Variants in LONRF1 observed in about 807,000 individuals in gnomAD.
LONRF1 encodes LON peptidase N-terminal domain and ring finger 1.
Under a neutral mutation model 85.8 loss-of-function variants are expected in LONRF1, and 37 were observed. That is an observed-to-expected ratio of 0.43 (90% CI 0.33 to 0.57). LONRF1 has a LOEUF of 0.57. Among genes scored for constraint, LONRF1 ranks in the 20% least tolerant of loss-of-function variants. The pLI is 0.04. For synonymous variants in LONRF1, 517 were observed against 390.1 expected, an observed-to-expected ratio of 1.33 and a Z score of -3.83; for missense variants, 1,036 against 978.0, an observed-to-expected ratio of 1.06 and a Z score of -0.79.
intron 1 of LONRF1, among the ~76,000 whole-genome samples, chr8:12,748,029 T>C (rs1799234397): frequency 6.6e-6 from 1 of 152,246 alleles, no homozygotes; most frequent in Non-Finnish European, 1.5e-5. Context: ...TGATTTTTAA[T>C]AGTTGCAAAA....
intron 10 of LONRF1, among the ~76,000 whole-genome samples, chr8:12,726,831 CA>C (rs1322409239): frequency 6.6e-6 from 1 of 151,996 alleles, no homozygotes. Context: ...ACACCAGAGA[CA>C]AAAAAGCAAA....
rs1016366947 is a variant in LONRF1 at position 12,735,216 on chromosome 8, T to TG, written c.1566+69dup. 14 of 984,984 alleles carry TG rather than the reference T, an allele frequency of 1.4e-5. No individual in the cohort carries two copies. The Admixed American group carries it at 2.5e-4, about 17-fold the overall frequency. The allele number at this position is 984,984 out of a possible 1,614,324, so 61.0% of individuals were successfully genotyped here. A position where few individuals can be genotyped will look rare whatever the true frequency, so the allele number is the denominator to read the frequency against. Reference sequence around the variant, plus strand: ...CTGAACGTGATCATCACTATTTCTATGGCTGAACAGAAATTAAACCATGCT... The same window carrying TG: ...CTGAACGTGATCATCACTATTTCTATGGGCTGAACAGAAATTAAACCATGCT... On this transcript the variant is annotated intron_variant, in intron 7 of 11. Coordinates refer to ENST00000398246, the MANE Select transcript of LONRF1 (RefSeq NM_152271.5).
In LONRF1 at chr8:12,754,932, C is replaced by T. The variant is rs898159286; in HGVS notation, c.489G>A (p.Pro163=). ...ARCRLCRDRL[P]PATASATDAE... Reference sequence around the variant, plus strand: ...CATCAGTGGCACTGGCGGTGGCGGGCGGCAGCCGGTCCCGGCAGAGGCGGC... The same window carrying T: ...CATCAGTGGCACTGGCGGTGGCGGGTGGCAGCCGGTCCCGGCAGAGGCGGC... The change falls in exon 1 of 12, where the codon CCG becomes CCA. Residue 163 remains proline, a synonymous_variant. Transcript: ENST00000398246. The T allele has an allele frequency of 2.0e-6, 3 of 1,488,744 alleles. No individual in the cohort carries two copies. Among genetic ancestry groups the T allele is most frequent in the South Asian group, 2.5e-5 (2 of 79,074 alleles). The allele number at this position is 1,488,744 out of a possible 1,614,324, so 92.2% of individuals were successfully genotyped here. A position where few individuals can be genotyped will look rare whatever the true frequency, so the allele number is the denominator to read the frequency against.
At chr8:12,743,331 C>G (rs1449581038) in intron 1 of LONRF1, 49 bp from the exon 2 acceptor site, 3 of 1,081,640 alleles carry the variant, frequency 2.8e-6, no homozygotes, top group South Asian at 1.4e-5. Context: ...AAGATTATTA[C>G]ATAATCTACA....
At chr8:12,725,927 A>C (rs1283994976) in intron 10 of LONRF1, 48 bp from the exon 11 acceptor site, 1 of 1,535,904 alleles carries the variant, frequency 6.5e-7, no homozygotes. Flanking sequence ...TCCCCCGTCC[A>C]TATGCCATAT....
At chr8:12,744,116 G>A (rs1045919599) in intron 1 of LONRF1, among the ~76,000 whole-genome samples, 2 of 152,072 alleles carry the variant, frequency 1.3e-5, no homozygotes, top group Non-Finnish European at 2.9e-5. Context: ...TTATTTTAAA[G>A]CTATCTTTGA....
Position 12,755,016 on chromosome 8 carries a change from G to A in LONRF1, c.405C>T (p.Thr135=), listed in dbSNP as rs1283428737. The change falls in exon 1 of 12, where the codon ACC becomes ACT. Residue 135 remains threonine (T), a synonymous_variant. Coordinates refer to ENST00000398246, the MANE Select transcript of LONRF1 (RefSeq NM_152271.5). ...GGCAGTAGCTGTGGCCACAGGGCAC[G>A]GTCACCGGCTCGCTCAGGAAGCCCC... ...GCRGFLSEPV[T]VPCGHSYCRR... is the part of the protein sequence containing the mutation. The A allele has an allele frequency of 1.3e-6, 2 of 1,492,222 alleles. No individual in the cohort carries two copies. Among genetic ancestry groups the A allele is most frequent in the Non-Finnish European group, 1.8e-6 (2 of 1,127,828 alleles). 92.4% of individuals were successfully genotyped at this position (1,492,222 alleles called of 1,614,324 possible).
intron 10 of LONRF1, among the ~76,000 whole-genome samples, chr8:12,728,657 C>A (rs576503046): frequency 6.6e-6 from 1 of 152,218 alleles, no homozygotes; most frequent in Non-Finnish European, 1.5e-5. Flanking sequence ...ATTCTAGGCA[C>A]TGGGCTGGTT....
chr8:12,751,294 A>ATGTTTGTTTTTTTTT (rs1799377541), intron 1 of LONRF1, among the ~76,000 whole-genome samples: 1 of 84,810 alleles, frequency 1.2e-5, no homozygotes, highest in Non-Finnish European at 2.3e-5. Context: ...TTTTATTTTT[A>ATGTTTGTTTTTTTTT]TGTTTTTTTT....
intron 11 of LONRF1, among the ~76,000 whole-genome samples, chr8:12,723,773 G>C (rs1806031383): frequency 6.6e-6 from 1 of 152,180 alleles, no homozygotes; most frequent in African/African-American, 2.4e-5. Context: ...TAGATTTAAA[G>C]CATTAAGAAA....
chr8:12,723,091 G>C lies in LONRF1; in HGVS notation c.*5C>G, dbSNP rs774543452. ...GTCACTTTAAAGGGAGATCCAAAGA[G>C]TTAGTTACTTAGATTGGTCTCTAGA... is the stretch of plus-strand genomic sequence containing the variant. On this transcript the variant is annotated 3_prime_UTR_variant, in exon 12 of 12. Transcript: ENST00000398246. 6 of 1,607,256 alleles carry C rather than the reference G, an allele frequency of 3.7e-6. No homozygotes were observed. The highest frequency in any genetic ancestry group is 2.7e-5 in the African/African-American group (2 of 74,740).
In LONRF1 at chr8:12,729,389, C is replaced by A; in HGVS notation, c.1689-57G>T. The A allele has an allele frequency of 2.6e-6, 4 of 1,541,136 alleles. No individual in the cohort carries two copies. The South Asian group carries it at 3.5e-5, about 13-fold the overall frequency. ...CATACAAGAAAAATATTACCGAACA[C>A]ATACAAAAAATGAGTGAGGTTTATA... is the stretch of plus-strand genomic sequence containing the variant. On this transcript the variant is annotated intron_variant, in intron 8 of 11. Coordinates refer to ENST00000398246, the MANE Select transcript of LONRF1 (RefSeq NM_152271.5).
chr8:12,730,358 G>A lies in LONRF1; in HGVS notation c.1689-1026C>T, dbSNP rs115467074. Among the ~76,000 whole-genome samples, 1,116 of 152,270 alleles carry A rather than the reference G, an allele frequency of 7.3e-3. 9 individuals carry two copies. Among genetic ancestry groups the A allele is most frequent in the African/African-American group, 0.026 (1,074 of 41,554 alleles). On this transcript the variant is annotated intron_variant, in intron 8 of 11. Coordinates refer to ENST00000398246, the MANE Select transcript of LONRF1 (RefSeq NM_152271.5). ...TATGTATGCCAAAATGCCAATAGTTGATTCCCTTTGAGTTGCAGATTATGG... is the reference window on the plus strand; with the variant it reads ...TATGTATGCCAAAATGCCAATAGTTAATTCCCTTTGAGTTGCAGATTATGG...
intron 3 of LONRF1, among the ~76,000 whole-genome samples, chr8:12,739,756 A>C (rs953399559): frequency 6.6e-6 from 1 of 152,250 alleles, no homozygotes; most frequent in Non-Finnish European, 1.5e-5. Flanking sequence ...GGCAGCATGC[A>C]AAATGCAGAA....
intron 2 of LONRF1, among the ~76,000 whole-genome samples, 199 bp downstream of exon 2, chr8:12,742,965 A>C (rs1381258582): frequency 6.6e-6 from 1 of 152,188 alleles, no homozygotes; most frequent in Non-Finnish European, 1.5e-5. Flanking sequence ...GGCTCAAGCA[A>C]TCCGTCCAAC....
chr8:12,736,037 A>G (rs1452578641), intron 6 of LONRF1, among the ~76,000 whole-genome samples: 1 of 152,178 alleles, frequency 6.6e-6, no homozygotes, highest in African/African-American at 2.4e-5. Flanking sequence ...GAGGTACTTT[A>G]GGGACTGTTT....
chr8:12,751,061 G>C (rs544866017), intron 1 of LONRF1, among the ~76,000 whole-genome samples: 6 of 152,210 alleles, frequency 3.9e-5, no homozygotes, highest in African/African-American at 1.4e-4. Context: ...TAGGCAACGT[G>C]CACAAGGTCG....
At chr8:12,751,124 T>C (rs1194480383) in intron 1 of LONRF1, among the ~76,000 whole-genome samples, 1 of 152,120 alleles carries the variant, frequency 6.6e-6, no homozygotes, top group Admixed American at 6.5e-5. Flanking sequence ...GCTTCCAGCA[T>C]GCAGAGCTTT....
chr8:12,748,914 G>A (rs1173626868), intron 1 of LONRF1, among the ~76,000 whole-genome samples: 1 of 151,596 alleles, frequency 6.6e-6, no homozygotes, highest in Non-Finnish European at 1.5e-5. Context: ...CATTGATTAA[G>A]AATGTTCAGG....
Sources: gnomAD v4.1 joint callset for allele counts (sites outside exome capture counted in the v4.1 genomes callset) on GRCh38, gnomAD v4.1.1 for gene constraint, MANE v1.5 for transcripts, NCBI Gene and HGNC (gene_info 2026-07-23, HGNC 2026-07-21) for gene names.